SNX13: variants seen among roughly 807,000 people sequenced by gnomAD.
The protein encoded by SNX13 is sorting nexin-13.
In SNX13, 45 loss-of-function variants were observed where a neutral mutation model predicts 133.6. That is an observed-to-expected ratio of 0.34 (90% CI 0.27 to 0.43). The LOEUF (loss-of-function observed/expected upper bound fraction) is 0.43, where lower values mean the gene tolerates loss of function less well. Among genes scored for constraint, SNX13 ranks in the 20% least tolerant of loss-of-function variants. The pLI is 1.00. For synonymous variants in SNX13, 414 were observed against 373.9 expected (o/e 1.11, Z -1.24); for missense variants, 1,032 against 1,145.1 (o/e 0.90, Z 1.43).
chr7:17,841,264 A>C (rs993423640), intron 12 of SNX13, among the ~76,000 whole-genome samples: 1 of 152,064 alleles, frequency 6.6e-6, no homozygotes, highest in Admixed American at 6.6e-5. Context: ...TGACTCCTAC[A>C]GTTTTACCTT....
At chr7:17,873,095 A>T (rs1794301292) in intron 8 of SNX13, among the ~76,000 whole-genome samples, 1 of 152,216 alleles carries the variant, frequency 6.6e-6, no homozygotes, top group Non-Finnish European at 1.5e-5. Context: ...TTTTGTCATA[A>T]CCAAAAACCA....
intron 12 of SNX13, 87 bp downstream of exon 12, chr7:17,845,508 G>C: frequency 1.3e-6 from 1 of 778,756 alleles, no homozygotes; most frequent in Non-Finnish European, 2.1e-6. Flanking sequence ...AAATAGTTGA[G>C]ATACTAAATT....
In SNX13 at chr7:17,793,810, T is replaced by C. The variant is rs563583089; in HGVS notation, c.*235A>G. The C allele has an allele frequency of 2.0e-5, 8 of 396,116 alleles. No individual in the cohort carries two copies. Among genetic ancestry groups the C allele is most frequent in the Admixed American group, 8.5e-5 (2 of 23,608 alleles). 24.5% of individuals were successfully genotyped at this position (396,116 alleles called of 1,614,324 possible). On this transcript the variant is annotated 3_prime_UTR_variant, in exon 26 of 26. Transcript: ENST00000428135. ...ATTCTTGCTTGAGATGGGGGCAGTT[T>C]TCTCTCAATGTTGCAAAATATGCAC... is the stretch of plus-strand genomic sequence containing the variant.
rs1000313056 is a variant in SNX13 at position 17,940,468 on chromosome 7, A to G, written c.-173T>C. The G allele has an allele frequency of 2.0e-5, 15 of 750,556 alleles. No individual in the cohort carries two copies. In the East Asian group the frequency reaches 3.7e-4, roughly 19 times the overall value. The allele number at this position is 750,556 out of a possible 1,614,324, so 46.5% of individuals were successfully genotyped here. Reference sequence around the variant, plus strand: ...CCTCCCCTCGGCCCGGTCGCTCGCGACGGACGCGCCGCCATCTTGGAAGAG... The same window carrying G: ...CCTCCCCTCGGCCCGGTCGCTCGCGGCGGACGCGCCGCCATCTTGGAAGAG... On this transcript the variant is annotated 5_prime_UTR_variant, in exon 1 of 26. Transcript: ENST00000428135.
chr7:17,842,284 T>A (rs1222735405), intron 12 of SNX13, among the ~76,000 whole-genome samples: 1 of 152,044 alleles, frequency 6.6e-6, no homozygotes, highest in Non-Finnish European at 1.5e-5. Context: ...CAAGAAACTT[T>A]GGAGGCTAGA....
intron 5 of SNX13, among the ~76,000 whole-genome samples, chr7:17,878,399 G>A (rs1357456517): frequency 5.3e-5 from 8 of 152,020 alleles, no homozygotes; most frequent in Non-Finnish European, 1.5e-5. Context: ...TTTATAGTAG[G>A]CCCCTGAAGC....
chr7:17,813,907 T>C (rs976342395), intron 20 of SNX13, among the ~76,000 whole-genome samples: 2 of 152,148 alleles, frequency 1.3e-5, no homozygotes, highest in African/African-American at 4.8e-5. Flanking sequence ...TAATTGTTAA[T>C]TCTTACTTAT....
chr7:17,929,883 T>C (rs1801193859), intron 1 of SNX13, among the ~76,000 whole-genome samples: 1 of 152,176 alleles, frequency 6.6e-6, no homozygotes, highest in Admixed American at 6.5e-5. Context: ...ATGCAATACG[T>C]AAATTGAGAA....
chr7:17,881,740 TCTAAATACATAATC>T lies in SNX13; in HGVS notation c.441-5964_441-5951del, dbSNP rs533973655. 497 of 152,280 alleles carry T rather than the reference TCTAAATACATAATC, an allele frequency of 3.3e-3. 1 individual carries two copies. The highest frequency in any genetic ancestry group is 0.011 in the African/African-American group (476 of 41,568). 9.4% of individuals were successfully genotyped at this position (152,280 alleles called of 1,614,324 possible). A position where few individuals can be genotyped will look rare whatever the true frequency, so the allele number is the denominator to read the frequency against. ...TTAGAAAGGATATACTACTCTTCAC[TCTAAATACATAATC>T]CTTTACTTGTTTCCATCCTTCAGAG... On this transcript the variant is annotated intron_variant, in intron 5 of 25. Coordinates refer to ENST00000428135, the MANE Select transcript of SNX13 (RefSeq NM_015132.5).
At chr7:17,920,581 C>T (rs1018153157) in intron 1 of SNX13, among the ~76,000 whole-genome samples, 5 of 152,146 alleles carry the variant, frequency 3.3e-5, no homozygotes, top group Admixed American at 6.5e-5. Context: ...AATCAAGTTA[C>T]GTGTCAAATT....
At chr7:17,795,999 AT>A (rs1784012489) in intron 25 of SNX13, 1 of 151,730 alleles carries the variant, frequency 6.6e-6, no homozygotes, top group African/African-American at 2.4e-5. Flanking sequence ...AGAGAAAAAA[AT>A]TGGTATTGTG....
Position 17,873,612 on chromosome 7 carries a change from G to T in SNX13, c.669C>A (p.Phe223Leu). ...VCTSPKDEEG[F>L]LRDLCEVLLY... is the part of the protein sequence containing the mutation. ...GTAAGACCTCACACAAATCCCTTAGGAATCCTAAAAGTAGAAAAAGTAGCT... is the reference window on the plus strand; with the variant it reads ...GTAAGACCTCACACAAATCCCTTAGTAATCCTAAAAGTAGAAAAAGTAGCT... The change falls in exon 8 of 26, where the codon TTC becomes TTA. Residue 223 changes from phenylalanine (F) to leucine (L), a missense_variant. Transcript: ENST00000428135. 6.4e-7 allele frequency: 1 copy of T among 1,553,420 alleles called. No homozygotes were observed. The highest frequency in any genetic ancestry group is 1.2e-5 in the South Asian group (1 of 81,242).
chr7:17,805,254 T>TGCACGCGCGCGCGC (rs1554304328), intron 20 of SNX13, among the ~76,000 whole-genome samples: 22 of 132,440 alleles, frequency 1.7e-4, no homozygotes, highest in Non-Finnish European at 3.1e-4. Flanking sequence ...TGTGTGTGCG[T>TGCACGCGCGCGCGC]GCGCGCGCGC....
intron 9 of SNX13, among the ~76,000 whole-genome samples, chr7:17,861,091 C>T (rs565363031): frequency 6.6e-6 from 1 of 152,214 alleles, no homozygotes; most frequent in East Asian, 1.9e-4. Flanking sequence ...TCACAGCTCA[C>T]TGCAGCTTTG....
intron 13 of SNX13, among the ~76,000 whole-genome samples, chr7:17,835,927 C>T (rs1164142549): frequency 2.0e-5 from 3 of 151,660 alleles, no homozygotes; most frequent in African/African-American, 4.8e-5. Flanking sequence ...GAAATAGAAA[C>T]GGGAGAACTA....
Position 17,804,128 on chromosome 7 carries a change from T to C in SNX13, c.2065-548A>G, listed in dbSNP as rs185573558. On this transcript the variant is annotated intron_variant, in intron 20 of 25. Coordinates refer to ENST00000428135, the MANE Select transcript of SNX13 (RefSeq NM_015132.5). ...GAAAATCTGCCAGATGAGGTTATTC[T>C]TAGAAAATCAATATAAGCTTTGGCT... Among the ~76,000 whole-genome samples the C allele has an allele frequency of 3.5e-3, 532 of 152,232 alleles. 6 individuals are homozygous for C. Among genetic ancestry groups the C allele is most frequent in the African/African-American group, 0.012 (499 of 41,542 alleles).
chr7:17,798,920 T>C (rs982289044), intron 23 of SNX13, 89 bp downstream of exon 23: 17 of 1,461,928 alleles, frequency 1.2e-5, no homozygotes, highest in Non-Finnish European at 1.5e-5. Flanking sequence ...AAAAAAATTC[T>C]CCTACAAAGG....
intron 1 of SNX13, among the ~76,000 whole-genome samples, chr7:17,912,265 T>G (rs1171662924): frequency 6.6e-6 from 1 of 152,096 alleles, no homozygotes; most frequent in Admixed American, 6.6e-5. Context: ...ACCTTTCCAC[T>G]GGGGATCTGT....
At chr7:17,927,427 G>A (rs1800890355) in intron 1 of SNX13, among the ~76,000 whole-genome samples, 1 of 151,798 alleles carries the variant, frequency 6.6e-6, no homozygotes, top group South Asian at 2.1e-4. Flanking sequence ...ATTTTTTGCA[G>A]AGACAAGGTC....
Sources: allele counts gnomAD v4.1 joint callset (sites outside exome capture counted in the v4.1 genomes callset), GRCh38; gene constraint gnomAD v4.1.1; transcripts MANE v1.5; gene names NCBI Gene and HGNC (gene_info 2026-07-23, HGNC 2026-07-21).